Variants in NAALADL2 observed in about 807,000 individuals in gnomAD.
NAALADL2 encodes N-acetylated alpha-linked acidic dipeptidase like 2, also known as inactive N-acetylated-alpha-linked acidic dipeptidase-like protein 2.
In NAALADL2, 76 loss-of-function variants were observed where a neutral mutation model predicts 87.2. The ratio of observed to expected loss-of-function variants is 0.87; its 90% CI spans 0.72 to 1.05. The LOEUF (loss-of-function observed/expected upper bound fraction) is 1.05, where lower values mean the gene tolerates loss of function less well. Ranked by LOEUF, NAALADL2 falls within the 50% of genes least tolerant of loss-of-function variation. NAALADL2 has a pLI of 0.00. For missense variants in NAALADL2, 1,089 were observed against 945.8 expected (o/e 1.15, Z -1.99); for synonymous variants, 354 against 331.0 (o/e 1.07, Z -0.75).
intron 1 of NAALADL2, among the ~76,000 whole-genome samples, chr3:175,071,523 G>A (rs945933501): frequency 6.6e-6 from 1 of 151,914 alleles, no homozygotes; most frequent in African/African-American, 2.4e-5. Flanking sequence ...CTCTGGGAGA[G>A]TATAACACAT....
intron 5 of NAALADL2, among the ~76,000 whole-genome samples, chr3:175,325,348 G>A (rs1394321489): frequency 2.6e-5 from 4 of 152,070 alleles, no homozygotes; most frequent in Non-Finnish European, 4.4e-5. Flanking sequence ...TGCTACAAAA[G>A]TATTCCTTTA....
At chr3:175,291,772 C>T (rs1287436377) in intron 4 of NAALADL2, among the ~76,000 whole-genome samples, 1 of 152,032 alleles carries the variant, frequency 6.6e-6, no homozygotes, top group Non-Finnish European at 1.5e-5. Flanking sequence ...GGAGAGTTTC[C>T]ACAAACCAAG....
intron 10 of NAALADL2, among the ~76,000 whole-genome samples, chr3:175,622,176 C>T (rs1726323463): frequency 6.6e-6 from 1 of 152,028 alleles, no homozygotes; most frequent in Admixed American, 6.5e-5. Context: ...TGCACATATC[C>T]TTTGCCTTCC....
chr3:175,044,250 A>T (rs1038938873), intron 1 of NAALADL2, among the ~76,000 whole-genome samples: 3 of 152,128 alleles, frequency 2.0e-5, no homozygotes, highest in African/African-American at 7.2e-5. Context: ...ATTTTTGTAG[A>T]TGCTCCAGAA....
At chr3:174,950,362 C>A (rs996965570) in intron 1 of NAALADL2, among the ~76,000 whole-genome samples, 1 of 152,032 alleles carries the variant, frequency 6.6e-6, no homozygotes, top group Non-Finnish European at 1.5e-5. Flanking sequence ...GTCCACAAAT[C>A]CTTGGAAATA....
At chr3:174,622,645 CT>C (rs1463838975) in intron 2 of NAALADL2, among the ~76,000 whole-genome samples, 3 of 152,046 alleles carry the variant, frequency 2.0e-5, no homozygotes, top group African/African-American at 7.2e-5. Flanking sequence ...TTATAACAAA[CT>C]AGATAAAAGA....
intron 9 of NAALADL2, among the ~76,000 whole-genome samples, chr3:175,527,706 A>G (rs2149436469): frequency 6.6e-6 from 1 of 152,312 alleles, no homozygotes; most frequent in Admixed American, 6.5e-5. Context: ...GGGTAGTAGC[A>G]TTTTAGAGAT....
intron 1 of NAALADL2, among the ~76,000 whole-genome samples, chr3:174,493,648 G>A (rs1443536295): frequency 1.3e-5 from 2 of 152,046 alleles, no homozygotes; most frequent in Non-Finnish European, 2.9e-5. Flanking sequence ...TATTCTGAAA[G>A]GCCTAGAAAG....
chr3:174,905,700 G>A (rs756820441), intron 1 of NAALADL2, among the ~76,000 whole-genome samples: 2 of 151,916 alleles, frequency 1.3e-5, no homozygotes, highest in Non-Finnish European at 2.9e-5. Context: ...CTGTTTTGTG[G>A]GAGAGTATAA....
At chr3:175,018,643 C>G (rs1032709037) in intron 1 of NAALADL2, among the ~76,000 whole-genome samples, 5 of 152,026 alleles carry the variant, frequency 3.3e-5, no homozygotes, top group Non-Finnish European at 5.9e-5. Flanking sequence ...AATTTATGAG[C>G]TGGGGTATAT....
chr3:174,829,614 C>G (rs1722417716), intron 3 of NAALADL2, among the ~76,000 whole-genome samples: 2 of 143,674 alleles, frequency 1.4e-5, no homozygotes, highest in South Asian at 4.3e-4. Context: ...GATTTATAGT[C>G]CTTTGGGCAT....
intron 1 of NAALADL2, among the ~76,000 whole-genome samples, chr3:175,044,926 T>C (rs1032954855): frequency 1.1e-4 from 15 of 140,924 alleles, no homozygotes; most frequent in African/African-American, 2.9e-4. Context: ...GGGCGCAATT[T>C]CTGATTTTTT....
In NAALADL2 at chr3:174,882,783, A is replaced by G. The variant is rs151122575; in HGVS notation, c.43+23333A>G. On this transcript the variant is annotated intron_variant, in intron 1 of 13. Transcript: ENST00000454872. ...TATATACACACGTGTATATATACAT[A>G]TGTGTATATATACACGTGTGTATAT... Among the ~76,000 whole-genome samples the G allele has an allele frequency of 5.3e-4, 56 of 106,366 alleles. 1 individual carries two copies. The highest frequency in any genetic ancestry group is 2.4e-3 in the African/African-American group (54 of 22,206). The allele number at this position is 106,366 out of a possible 152,430, so 69.8% of individuals were successfully genotyped here.
chr3:175,370,636 G>A (rs1766357847), intron 5 of NAALADL2, among the ~76,000 whole-genome samples: 1 of 152,230 alleles, frequency 6.6e-6, no homozygotes, highest in Middle Eastern at 3.4e-3. Flanking sequence ...AGCTTTGAGA[G>A]GTCCTTTAGC....
chr3:175,287,912 A>C (rs143323122), intron 4 of NAALADL2, among the ~76,000 whole-genome samples: 3 of 152,280 alleles, frequency 2.0e-5, no homozygotes, highest in Admixed American at 6.5e-5. Context: ...AATTTTCCCC[A>C]AAAATGCTAC....
intron 3 of NAALADL2, among the ~76,000 whole-genome samples, chr3:174,780,966 C>T (rs1715898463): frequency 6.6e-6 from 1 of 152,042 alleles, no homozygotes. Context: ...TCATGTAAGG[C>T]AGGTGACATG....
intron 5 of NAALADL2, among the ~76,000 whole-genome samples, chr3:175,422,768 G>C (rs959903362): frequency 6.6e-6 from 1 of 151,908 alleles, no homozygotes; most frequent in Non-Finnish European, 1.5e-5. Flanking sequence ...AAGAGGACTT[G>C]ACAGCACCAT....
At position 175,453,790 on chromosome 3, in the gene NAALADL2, G is replaced by T. The variant is rs142130197; in HGVS notation, c.1234+6418G>T. ...CACTTAGACTAAGTTCCTTAATCAG[G>T]TTGTTCAAATATTCTGTATATTATT... On this transcript the variant is annotated intron_variant, in intron 6 of 13. Coordinates refer to ENST00000454872, the MANE Select transcript of NAALADL2 (RefSeq NM_207015.3). Among the ~76,000 whole-genome samples the T allele has an allele frequency of 3.3e-4, 50 of 152,062 alleles. 1 individual carries two copies. In the East Asian group the frequency reaches 8.1e-3, roughly 25 times the overall value.
intron 1 of NAALADL2, among the ~76,000 whole-genome samples, chr3:174,885,897 T>G (rs1730065364): frequency 6.4e-5 from 2 of 31,028 alleles, no homozygotes; most frequent in South Asian, 1.2e-3. Context: ...TTTTTTTTTT[T>G]TTTTTTTTTT....
Sources: gnomAD v4.1 joint callset for allele counts (sites outside exome capture counted in the v4.1 genomes callset) on GRCh38, gnomAD v4.1.1 for gene constraint, MANE v1.5 for transcripts, NCBI Gene and HGNC (gene_info 2026-07-23, HGNC 2026-07-21) for gene names.